The following CTNNA2 variants were observed in gnomAD, a reference collection of about 807,000 sequenced individuals.
CTNNA2 encodes the protein catenin alpha 2.
Under a neutral mutation model 101.0 loss-of-function variants are expected in CTNNA2, and 42 were observed. The observed-to-expected ratio is 0.42, with a 90% CI of 0.32 to 0.54. CTNNA2 has a LOEUF of 0.54. Among genes scored for constraint, CTNNA2 ranks in the 20% least tolerant of loss-of-function variants. CTNNA2 has a pLI of 0.14. For missense variants in CTNNA2, 871 were observed against 1,223.1 expected (o/e 0.71, Z 4.29); for synonymous variants, 450 against 456.4 (o/e 0.99, Z 0.18).
intron 2 of CTNNA2, among the ~76,000 whole-genome samples, chr2:79,699,328 A>C (rs1684839828): frequency 6.6e-6 from 1 of 152,098 alleles, no homozygotes. Context: ...CATTAATAAG[A>C]TGAGGATCAT....
chr2:80,270,327 A>G (rs1224656112), intron 7 of CTNNA2, among the ~76,000 whole-genome samples: 3 of 152,176 alleles, frequency 2.0e-5, no homozygotes, highest in Non-Finnish European at 4.4e-5. Context: ...TGTAACTTAA[A>G]AACAGCCTAT....
At chr2:79,236,629 G>C (rs780695746) in intron 2 of CTNNA2, among the ~76,000 whole-genome samples, 1 of 152,172 alleles carries the variant, frequency 6.6e-6, no homozygotes, top group Non-Finnish European at 1.5e-5. Context: ...ATTGGAGTCA[G>C]CTCTCCCAAA....
chr2:80,139,325 A>T (rs752940237), intron 7 of CTNNA2, among the ~76,000 whole-genome samples: 2 of 152,058 alleles, frequency 1.3e-5, no homozygotes, highest in Non-Finnish European at 2.9e-5. Flanking sequence ...ATGACCATGG[A>T]TTGGTATTTG....
chr2:79,745,303 C>A (rs576072574), intron 3 of CTNNA2, among the ~76,000 whole-genome samples: 2 of 151,846 alleles, frequency 1.3e-5, no homozygotes, highest in Non-Finnish European at 2.9e-5. Flanking sequence ...TGGCAGCGTG[C>A]GCCTGTAGTC....
intron 2 of CTNNA2, among the ~76,000 whole-genome samples, chr2:79,666,548 G>T (rs1682432580): frequency 6.6e-6 from 1 of 152,128 alleles, no homozygotes; most frequent in Admixed American, 6.5e-5. Flanking sequence ...TGTAGTTCGT[G>T]TGTGCTTTCT....
At chr2:79,765,066 G>A (rs1673048510) in intron 3 of CTNNA2, among the ~76,000 whole-genome samples, 1 of 152,196 alleles carries the variant, frequency 6.6e-6, no homozygotes, top group African/African-American at 2.4e-5. Flanking sequence ...GGCAATGGGA[G>A]AAGGGCATCA....
rs554897885 is a variant in CTNNA2, at chr2:80,635,157, C to T, written c.2575-12428C>T. Among the ~76,000 whole-genome samples the T allele has an allele frequency of 3.2e-4, 49 of 152,162 alleles. 1 individual carries two copies. Among genetic ancestry groups the T allele is most frequent in the African/African-American group, 1.1e-3 (45 of 41,518 alleles). On this transcript the variant is annotated intron_variant, in intron 18 of 18. Coordinates refer to ENST00000402739, the MANE Select transcript of CTNNA2 (RefSeq NM_001282597.3). The stretch of plus-strand genomic sequence containing the variant: ...GGAAACCCCTACCTGCATCTGTGAT[C>T]GTGTACACAGTAATCATTTGAAAAT...
chr2:80,304,096 A>T (rs990576805), intron 7 of CTNNA2: 3 of 361,348 alleles, frequency 8.3e-6, no homozygotes, highest in Non-Finnish European at 1.5e-5. Context: ...AGCAAAGAAA[A>T]GGGAGGAAAA....
At chr2:80,522,960 A>G (rs1689699103) in intron 9 of CTNNA2, among the ~76,000 whole-genome samples, 1 of 152,152 alleles carries the variant, frequency 6.6e-6, no homozygotes, top group Non-Finnish European at 1.5e-5. Flanking sequence ...TGTTTTGTGG[A>G]ATTCATGCAT....
chr2:80,021,936 AG>A (rs1464189129), intron 7 of CTNNA2, among the ~76,000 whole-genome samples: 2 of 152,230 alleles, frequency 1.3e-5, no homozygotes, highest in African/African-American at 4.8e-5. Context: ...TTAGAATTTG[AG>A]GCCATTATAC....
chr2:79,759,532 A>G (rs1672637132), intron 3 of CTNNA2, among the ~76,000 whole-genome samples: 1 of 149,290 alleles, frequency 6.7e-6, no homozygotes, highest in Non-Finnish European at 1.5e-5. Context: ...TTAAACCTGG[A>G]TGTTTCTTTC....
At chr2:79,224,658 A>G (rs191328239) in intron 2 of CTNNA2, among the ~76,000 whole-genome samples, 3 of 152,098 alleles carry the variant, frequency 2.0e-5, no homozygotes, top group Middle Eastern at 3.2e-3. Flanking sequence ...TCACACAAAC[A>G]TATACACCTG....
chr2:79,852,962 G>A (rs999083219), intron 3 of CTNNA2, among the ~76,000 whole-genome samples: 9 of 152,004 alleles, frequency 5.9e-5, no homozygotes, highest in Admixed American at 1.3e-4. Context: ...TGCTTCCTGG[G>A]TTCAAGCAAT....
chr2:79,876,196 A>AGAGGAGTGATAAAGGATTTTTGTTTGTTT (rs1319503724), intron 6 of CTNNA2, among the ~76,000 whole-genome samples: 5 of 152,166 alleles, frequency 3.3e-5, no homozygotes, highest in Non-Finnish European at 7.4e-5. Context: ...GGAACTTGAC[A>AGAGGAGTGATAAAGGATTTTTGTTTGTTT]GAGGAGTGAT....
rs184553685 is a variant in CTNNA2 at position 79,366,753 on chromosome 2, A to G, written c.-317-7078A>G. Among the ~76,000 whole-genome samples the G allele has an allele frequency of 6.9e-4, 105 of 152,378 alleles. No homozygotes were observed. In the East Asian group the frequency reaches 0.013, roughly 19 times the overall value. ...TAACATTTGCCATGTACAAAGAAGG[A>G]CGTTCTGCCTTGGACTAACATCCAT... On this transcript the variant is annotated intron_variant, in intron 3 of 21. Transcript: ENST00000466387.
At chr2:80,412,149 G>A (rs1679637057) in intron 8 of CTNNA2, among the ~76,000 whole-genome samples, 1 of 152,262 alleles carries the variant, frequency 6.6e-6, no homozygotes, top group East Asian at 1.9e-4. Context: ...CTGGGACCCT[G>A]AGGCAGCTTG....
At chr2:79,846,740 T>C (rs1558575717) in intron 3 of CTNNA2, among the ~76,000 whole-genome samples, 2 of 152,182 alleles carry the variant, frequency 1.3e-5, no homozygotes, top group Non-Finnish European at 2.9e-5. Context: ...CCATTAAAGA[T>C]TTTGATAGTT....
intron 7 of CTNNA2, among the ~76,000 whole-genome samples, chr2:80,212,233 G>A (rs907929607): frequency 2.0e-5 from 3 of 152,034 alleles, no homozygotes; most frequent in Non-Finnish European, 4.4e-5. Flanking sequence ...TGATTGCCCT[G>A]GCCAGAACTT....
chr2:79,250,104 C>G (rs1225015711), intron 2 of CTNNA2, among the ~76,000 whole-genome samples: 1 of 152,166 alleles, frequency 6.6e-6, no homozygotes, highest in Non-Finnish European at 1.5e-5. Flanking sequence ...CTGCCTAGTA[C>G]TGCCACACAC....
Sources: gnomAD v4.1 joint callset for allele counts (sites outside exome capture counted in the v4.1 genomes callset) on GRCh38, gnomAD v4.1.1 for gene constraint, MANE v1.5 for transcripts, NCBI Gene and HGNC (gene_info 2026-07-23, HGNC 2026-07-21) for gene names.